Variants in SAMD4A observed in about 807,000 individuals in gnomAD.
The protein encoded by SAMD4A is protein Smaug homolog 1.
A neutral mutation model predicts 81.3 loss-of-function variants in SAMD4A; 33 were observed. That is an observed-to-expected ratio of 0.41 (90% CI 0.31 to 0.54). SAMD4A has a LOEUF of 0.54. Among genes scored for constraint, SAMD4A ranks in the 20% least tolerant of loss-of-function variants. SAMD4A has a pLI of 0.37. For missense variants in SAMD4A, 854 were observed against 951.1 expected, an observed-to-expected ratio of 0.90 and a Z score of 1.34; for synonymous variants, 389 against 382.1, an observed-to-expected ratio of 1.02 and a Z score of -0.21.
chr14:54,593,337 G>T lies in SAMD4A; in HGVS notation c.196+25225G>T, dbSNP rs141122701. Among the ~76,000 whole-genome samples the T allele has an allele frequency of 3.7e-3, 559 of 152,180 alleles. 6 individuals are homozygous for T. Among genetic ancestry groups the T allele is most frequent in the African/African-American group, 0.013 (534 of 41,510 alleles). ...TTGATTACTATTAGTTTCGTATTCT[G>T]GGGTTTTTATTGTATTTCATATCTG... On this transcript the variant is annotated intron_variant, in intron 2 of 12. Coordinates refer to ENST00000554335, the MANE Select transcript of SAMD4A (RefSeq NM_015589.6).
intron 11 of SAMD4A, among the ~76,000 whole-genome samples, chr14:54,777,688 G>A (rs550316781): frequency 6.6e-6 from 1 of 152,192 alleles, no homozygotes; most frequent in East Asian, 1.9e-4. Flanking sequence ...GGGGTAGGCT[G>A]GAATTGGGAG....
chr14:54,567,692 T>C lies in SAMD4A; in HGVS notation c.-225T>C. 1 of 524,026 alleles carries C rather than the reference T, an allele frequency of 1.9e-6. No homozygotes were observed. The highest frequency in any genetic ancestry group is 2.6e-5 in the South Asian group (1 of 37,972). The allele number at this position is 524,026 out of a possible 1,614,324, so 32.5% of individuals were successfully genotyped here. The stretch of plus-strand genomic sequence containing the variant: ...TTAAAGAAACATTTCCGTGCTACTG[T>C]CTGTCATCGTCTCTGGGGAAATCAG... On this transcript the variant is annotated 5_prime_UTR_variant, in exon 2 of 13. Transcript: ENST00000554335.
At chr14:54,697,548 G>A (rs994058312) in intron 2 of SAMD4A, among the ~76,000 whole-genome samples, 5 of 152,148 alleles carry the variant, frequency 3.3e-5, no homozygotes, top group African/African-American at 7.2e-5. Context: ...GGACGGGGGC[G>A]CTGAGGAAGG....
intron 11 of SAMD4A, among the ~76,000 whole-genome samples, chr14:54,777,545 C>T (rs2038887185): frequency 6.6e-6 from 1 of 152,124 alleles, no homozygotes; most frequent in African/African-American, 2.4e-5. Flanking sequence ...CTGTAAAGGT[C>T]GTGGCCGATG....
rs76422384 is a variant in SAMD4A, at chr14:54,575,150, G to C, written c.196+7038G>C. ...CCAACCCCCTACTCCCCAAACCTAA[G>C]TGTCCTAGGAGAGCAGTTTGGAAAT... On this transcript the variant is annotated intron_variant, in intron 2 of 12. Coordinates refer to ENST00000554335, the MANE Select transcript of SAMD4A (RefSeq NM_015589.6). Among the ~76,000 whole-genome samples the C allele has an allele frequency of 1.7e-3, 259 of 152,234 alleles. 1 individual carries two copies. The highest frequency in any genetic ancestry group is 6.1e-3 in the African/African-American group (254 of 41,530).
At position 54,639,764 on chromosome 14, in the gene SAMD4A, G is replaced by A. The variant is rs568496864; in HGVS notation, c.197-62298G>A. ...GGGATGCCTGCTACTTGCCTACCTC[G>A]AGCAGATGTTCTGAATGTCAAGTCA... On this transcript the variant is annotated intron_variant, in intron 2 of 12. Coordinates refer to ENST00000554335, the MANE Select transcript of SAMD4A (RefSeq NM_015589.6). Among the ~76,000 whole-genome samples, 295 of 131,112 alleles carry A rather than the reference G, an allele frequency of 2.2e-3. 1 individual carries two copies. The highest frequency in any genetic ancestry group is 7.2e-3 in the African/African-American group (262 of 36,398). The allele number at this position is 131,112 out of a possible 152,430, so 86.0% of individuals were successfully genotyped here. A position where few individuals can be genotyped will look rare whatever the true frequency, so the allele number is the denominator to read the frequency against.
intron 2 of SAMD4A, among the ~76,000 whole-genome samples, chr14:54,643,418 G>T (rs2035217319): frequency 1.3e-5 from 2 of 152,296 alleles, no homozygotes; most frequent in African/African-American, 4.8e-5. Context: ...CTGTTCTTTT[G>T]ACTTTGTCAC....
At chr14:54,607,055 A>G (rs1334539812) in intron 2 of SAMD4A, among the ~76,000 whole-genome samples, 1 of 152,226 alleles carries the variant, frequency 6.6e-6, no homozygotes, top group African/African-American at 2.4e-5. Context: ...CGAACGTGGC[A>G]TAAAGGAGAG....
At chr14:54,743,696 C>G (rs547552668) in intron 4 of SAMD4A, among the ~76,000 whole-genome samples, 34 of 152,320 alleles carry the variant, frequency 2.2e-4, no homozygotes, top group Admixed American at 2.1e-3. Flanking sequence ...CCACCTCTCA[C>G]CTTCCAGGAC....
At chr14:54,579,113 G>A (rs1447860384) in intron 2 of SAMD4A, among the ~76,000 whole-genome samples, 3 of 152,154 alleles carry the variant, frequency 2.0e-5, no homozygotes, top group African/African-American at 7.2e-5. Context: ...AGCATGTTCT[G>A]TGTGTCACAC....
At chr14:54,754,038 T>C (rs922774186) in intron 6 of SAMD4A, among the ~76,000 whole-genome samples, 1 of 152,220 alleles carries the variant, frequency 6.6e-6, no homozygotes, top group Non-Finnish European at 1.5e-5. Context: ...TTCCCTTCTT[T>C]CTGGAGCAGC....
At chr14:54,570,246 G>A (rs966510594) in intron 2 of SAMD4A, among the ~76,000 whole-genome samples, 3 of 152,096 alleles carry the variant, frequency 2.0e-5, no homozygotes, top group African/African-American at 7.2e-5. Flanking sequence ...CGGAGTGTGG[G>A]GATCATAAAG....
intron 7 of SAMD4A, among the ~76,000 whole-genome samples, chr14:54,763,670 A>G (rs1289247753): frequency 6.6e-6 from 1 of 152,150 alleles, no homozygotes; most frequent in Non-Finnish European, 1.5e-5. Flanking sequence ...AGTGTCAGAC[A>G]TTTTTACTCT....
At chr14:54,610,430 C>A (rs1341830544) in intron 2 of SAMD4A, among the ~76,000 whole-genome samples, 1 of 152,188 alleles carries the variant, frequency 6.6e-6, no homozygotes, top group Non-Finnish European at 1.5e-5. Context: ...AGAGACCTTA[C>A]CAGCTAGCTC....
intron 2 of SAMD4A, among the ~76,000 whole-genome samples, chr14:54,623,878 A>G (rs1015944216): frequency 6.6e-6 from 1 of 152,250 alleles, no homozygotes; most frequent in Admixed American, 6.5e-5. Context: ...CAGGAAGAAA[A>G]GAGAAGAATG....
At chr14:54,606,212 T>TGTGTGCGTGC (rs1051852191) in intron 2 of SAMD4A, among the ~76,000 whole-genome samples, 9 of 150,254 alleles carry the variant, frequency 6.0e-5, no homozygotes, top group African/African-American at 2.2e-4. Context: ...TGTGTGTGTG[T>TGTGTGCGTGC]GCGTGCACGT....
intron 11 of SAMD4A, among the ~76,000 whole-genome samples, chr14:54,780,915 C>T (rs2038984109): frequency 6.6e-6 from 1 of 152,030 alleles, no homozygotes; most frequent in Non-Finnish European, 1.5e-5. Context: ...TGCTGCCCCA[C>T]CCCTCTGTTT....
intron 2 of SAMD4A, among the ~76,000 whole-genome samples, chr14:54,610,389 A>G (rs776109526): frequency 2.6e-5 from 4 of 152,190 alleles, no homozygotes; most frequent in Non-Finnish European, 5.9e-5. Context: ...AGTGCCCATT[A>G]TAGTCGTCCC....
intron 8 of SAMD4A, among the ~76,000 whole-genome samples, chr14:54,768,952 T>G (rs1040891453): frequency 6.6e-6 from 1 of 152,242 alleles, no homozygotes; most frequent in Non-Finnish European, 1.5e-5. Flanking sequence ...GTTTCCTTTA[T>G]GGGAACTAGT....
Sources: allele counts gnomAD v4.1 joint callset (sites outside exome capture counted in the v4.1 genomes callset), GRCh38; gene constraint gnomAD v4.1.1; transcripts MANE v1.5; gene names NCBI Gene and HGNC (gene_info 2026-07-23, HGNC 2026-07-21).